Variants in RAB7A observed in about 807,000 individuals in gnomAD.
The protein encoded by RAB7A is ras-related protein Rab-7a.
RAB7A carries 2 observed loss-of-function variants against 24.5 expected under a neutral mutation model. The observed-to-expected ratio is 0.08, with a 90% confidence interval of 0.03 to 0.26. The LOEUF (loss-of-function observed/expected upper bound fraction) is 0.26, where lower values mean the gene tolerates loss of function less well. RAB7A is among the 10% of genes least tolerant of loss of function. RAB7A has a pLI of 1.00. For synonymous variants in RAB7A, 100 were observed against 95.9 expected (o/e 1.04, Z -0.25); for missense variants, 118 against 255.7 (o/e 0.46, Z 3.67).
intron 3 of RAB7A, among the ~76,000 whole-genome samples, chr3:128,804,255 T>C (rs1933757962): frequency 6.6e-6 from 1 of 152,206 alleles, no homozygotes; most frequent in African/African-American, 2.4e-5. Flanking sequence ...GAAGCATGTT[T>C]AGCCACTGTG....
At chr3:128,784,820 T>A (rs1933302348) in intron 1 of RAB7A, among the ~76,000 whole-genome samples, 1 of 152,210 alleles carries the variant, frequency 6.6e-6, no homozygotes, top group African/African-American at 2.4e-5. Flanking sequence ...ACTTTTTGCA[T>A]TTGGTATGAT....
chr3:128,761,409 T>C (rs950967603), intron 1 of RAB7A, among the ~76,000 whole-genome samples: 11 of 152,222 alleles, frequency 7.2e-5, no homozygotes, highest in Non-Finnish European at 1.5e-4. Flanking sequence ...TGACTATTCT[T>C]ATGACATCAT....
At chr3:128,750,824 G>A (rs918749389) in intron 1 of RAB7A, among the ~76,000 whole-genome samples, 3 of 152,190 alleles carry the variant, frequency 2.0e-5, no homozygotes, top group African/African-American at 7.2e-5. Flanking sequence ...TCCCATCACA[G>A]GCCTGGAGGC....
intron 1 of RAB7A, among the ~76,000 whole-genome samples, chr3:128,744,880 T>TC (rs1232540580): frequency 6.6e-6 from 1 of 151,056 alleles, no homozygotes; most frequent in East Asian, 1.9e-4. Flanking sequence ...CTTTTTCTTT[T>TC]TTTTTTTTTT....
chr3:128,745,629 G>A (rs542779710), intron 1 of RAB7A, among the ~76,000 whole-genome samples: 26 of 152,344 alleles, frequency 1.7e-4, no homozygotes, highest in African/African-American at 6.3e-4. Context: ...GCCTCCCAAA[G>A]TGCTGGGATT....
intron 1 of RAB7A, among the ~76,000 whole-genome samples, chr3:128,763,716 G>A (rs1168881414): frequency 6.6e-6 from 1 of 152,112 alleles, no homozygotes; most frequent in Non-Finnish European, 1.5e-5. Flanking sequence ...TTGGTGCCAT[G>A]TGGATCTTTT....
At chr3:128,764,548 T>C (rs61746488) in intron 1 of RAB7A, 66,083 of 1,212,758 alleles carry the variant, frequency 0.054, 2,148 homozygotes, top group Non-Finnish European at 0.061. Flanking sequence ...TCCCATCTTG[T>C]GCAAGTTGGT....
intron 1 of RAB7A, among the ~76,000 whole-genome samples, chr3:128,786,216 G>A (rs1258258269): frequency 2.0e-5 from 3 of 152,112 alleles, no homozygotes; most frequent in African/African-American, 4.8e-5. Flanking sequence ...TACAGTCCCC[G>A]GCACAAAGTG....
intron 1 of RAB7A, among the ~76,000 whole-genome samples, chr3:128,753,113 G>A (rs1259418821): frequency 6.6e-6 from 1 of 152,076 alleles, no homozygotes; most frequent in Non-Finnish European, 1.5e-5. Context: ...GAACCTTCAG[G>A]AACACAAGTT....
chr3:128,813,585 TCACACACACACA>T lies in RAB7A; in HGVS notation c.*169_*180del, dbSNP rs3830294. The T allele has an allele frequency of 2.5e-5, 16 of 630,158 alleles. No individual in the cohort carries two copies. The highest frequency in any genetic ancestry group is 4.4e-5 in the Non-Finnish European group (15 of 341,586). The allele number at this position is 630,158 out of a possible 1,614,324, so 39.0% of individuals were successfully genotyped here. A position where few individuals can be genotyped will look rare whatever the true frequency, so the allele number is the denominator to read the frequency against. On this transcript the variant is annotated 3_prime_UTR_variant, in exon 6 of 6. Transcript: ENST00000265062. ...AACACAGTTACACCCCACATATCTC[TCACACACACACA>T]CACACGCACACACACACACACAGAT...
At chr3:128,783,281 G>A (rs1489417070) in intron 1 of RAB7A, among the ~76,000 whole-genome samples, 1 of 144,146 alleles carries the variant, frequency 6.9e-6, no homozygotes, top group East Asian at 2.1e-4. Flanking sequence ...TTAGATGAGA[G>A]GCAGAGACCC....
intron 1 of RAB7A, among the ~76,000 whole-genome samples, chr3:128,780,187 A>G (rs1431773049): frequency 6.6e-6 from 1 of 152,146 alleles, no homozygotes; most frequent in Non-Finnish European, 1.5e-5. Flanking sequence ...GACACAAATC[A>G]ATTTTCACAC....
chr3:128,741,933 C>T (rs184685949), intron 1 of RAB7A, among the ~76,000 whole-genome samples: 222 of 152,252 alleles, frequency 1.5e-3, no homozygotes, highest in African/African-American at 5.1e-3. Flanking sequence ...GCGATCCTCC[C>T]ACCTCAGCCT....
intron 1 of RAB7A, among the ~76,000 whole-genome samples, chr3:128,772,942 A>G (rs1017732033): frequency 1.3e-5 from 2 of 151,868 alleles, no homozygotes; most frequent in Non-Finnish European, 1.5e-5. Flanking sequence ...GCTCGCTACA[A>G]CCTCCACCTC....
chr3:128,731,474 A>G (rs1191429793), intron 1 of RAB7A, among the ~76,000 whole-genome samples: 4 of 152,088 alleles, frequency 2.6e-5, no homozygotes, highest in African/African-American at 9.7e-5. Context: ...CTTCCTACAC[A>G]TTTGCCTTTA....
At position 128,743,778 on chromosome 3, in the gene RAB7A, T is replaced by A. The variant is rs140965965; in HGVS notation, c.-9+17419T>A. On this transcript the variant is annotated intron_variant, in intron 1 of 5. Coordinates refer to ENST00000265062, the MANE Select transcript of RAB7A (RefSeq NM_004637.6). ...TATCAGCCTATTCAACATGACAAAATAATTTCTCTCTCTCTTTTTTTTTTT... is the reference window on the plus strand; with the variant it reads ...TATCAGCCTATTCAACATGACAAAAAAATTTCTCTCTCTCTTTTTTTTTTT... Among the ~76,000 whole-genome samples the A allele has an allele frequency of 8.8e-4, 131 of 149,256 alleles. 1 individual carries two copies. Among genetic ancestry groups the A allele is most frequent in the African/African-American group, 3.1e-3 (124 of 39,886 alleles).
At chr3:128,763,208 A>ATTTTTTTTTT (rs1174944964) in intron 1 of RAB7A, among the ~76,000 whole-genome samples, 12 of 76,062 alleles carry the variant, frequency 1.6e-4, no homozygotes, top group Admixed American at 3.5e-4. Context: ...ATATATATAT[A>ATTTTTTTTTT]TTTTTTTTTT....
chr3:128,789,144 A>G (rs1305744946), intron 1 of RAB7A, among the ~76,000 whole-genome samples: 1 of 152,162 alleles, frequency 6.6e-6, no homozygotes, highest in East Asian at 1.9e-4. Flanking sequence ...TTTTTAGAGG[A>G]TATTAATATA....
At chr3:128,744,147 G>C (rs1251886127) in intron 1 of RAB7A, among the ~76,000 whole-genome samples, 3 of 152,038 alleles carry the variant, frequency 2.0e-5, no homozygotes, top group African/African-American at 7.2e-5. Context: ...CAGCTACTTG[G>C]GAGGCTAGAG....
Sources: allele counts gnomAD v4.1 joint callset (sites outside exome capture counted in the v4.1 genomes callset), GRCh38; gene constraint gnomAD v4.1.1; transcripts MANE v1.5; gene names NCBI Gene and HGNC (gene_info 2026-07-23, HGNC 2026-07-21).